FEZ1: variants seen among roughly 807,000 people sequenced by gnomAD.
FEZ1 encodes fasciculation and elongation protein zeta 1, also known as fasciculation and elongation protein zeta-1.
Under a neutral mutation model 49.3 loss-of-function variants are expected in FEZ1, and 20 were observed. The ratio of observed to expected loss-of-function variants is 0.41; its 90% confidence interval spans 0.29 to 0.59. FEZ1 has a LOEUF of 0.59. Ranked by LOEUF, FEZ1 falls within the 20% of genes least tolerant of loss-of-function variation. The pLI, the probability that FEZ1 is intolerant of heterozygous loss-of-function variation, is 0.36. For missense variants in FEZ1, 413 were observed against 476.0 expected (o/e 0.87, Z 1.23); for synonymous variants, 170 against 180.9 (o/e 0.94, Z 0.48).
chr11:125,475,981 T>G (rs776641635), intron 3 of FEZ1, among the ~76,000 whole-genome samples: 1 of 152,236 alleles, frequency 6.6e-6, no homozygotes, highest in Non-Finnish European at 1.5e-5. Context: ...AGAAATGAAC[T>G]GTTGCTATAC....
intron 8 of FEZ1, chr11:125,451,369 C>T (rs1186769540): frequency 6.6e-6 from 1 of 152,198 alleles, no homozygotes; most frequent in Non-Finnish European, 1.5e-5. Context: ...GAACCTCCTG[C>T]TTTCACTCTC....
chr11:125,495,784 G>A lies in FEZ1; in HGVS notation c.-46+337C>T. On this transcript the variant is annotated intron_variant, in intron 1 of 9. Transcript: ENST00000278919. The surrounding 1 kb of genome is among the most constrained non-coding windows in gnomAD (Gnocchi z 4.2). ...TGCCTTCACACGCGCGCACACACGC[G>A]GGCACACACACGCGGACACACACAC... The A allele has an allele frequency of 2.9e-6, 1 of 349,718 alleles. No homozygotes were observed. The highest frequency in any genetic ancestry group is 5.6e-6 in the Non-Finnish European group (1 of 179,622). 21.7% of individuals were successfully genotyped at this position (349,718 alleles called of 1,614,324 possible).
chr11:125,493,516 A>G (rs1179083665), intron 1 of FEZ1, among the ~76,000 whole-genome samples: 4 of 149,208 alleles, frequency 2.7e-5, no homozygotes, highest in South Asian at 4.3e-4. Flanking sequence ...GAGAGAAAGA[A>G]AGAAAGAAAG....
chr11:125,458,678 C>T (rs1220887522), intron 5 of FEZ1, among the ~76,000 whole-genome samples: 1 of 152,172 alleles, frequency 6.6e-6, no homozygotes, highest in African/African-American at 2.4e-5. Flanking sequence ...ACATATGTTA[C>T]ATTTACATTA....
intron 1 of FEZ1, among the ~76,000 whole-genome samples, chr11:125,491,490 A>G (rs12295648): frequency 0.012 from 1,828 of 152,284 alleles, 34 homozygotes; most frequent in African/African-American, 0.032. Flanking sequence ...TTTCAGTTTC[A>G]GGCAGCACAA....
intron 3 of FEZ1, 114 bp from the exon 4 acceptor site, chr11:125,463,684 C>CTA: frequency 1.4e-6 from 1 of 704,980 alleles, no homozygotes; most frequent in South Asian, 1.6e-5. Flanking sequence ...CAGCTGCTGT[C>CTA]TAAACAGTGG....
chr11:125,476,495 T>A (rs925637545), intron 3 of FEZ1, among the ~76,000 whole-genome samples: 1 of 152,000 alleles, frequency 6.6e-6, no homozygotes, highest in Non-Finnish European at 1.5e-5. Context: ...TAAGAAAACG[T>A]CACAATTTGA....
At chr11:125,486,873 A>T (rs1475680903) in intron 2 of FEZ1, among the ~76,000 whole-genome samples, 1 of 152,260 alleles carries the variant, frequency 6.6e-6, no homozygotes, top group Non-Finnish European at 1.5e-5. Context: ...TATGAAACAA[A>T]GTGTGTAACA....
At chr11:125,452,495 C>G in intron 7 of FEZ1, 86 bp from the exon 8 acceptor site, 2 of 813,366 alleles carry the variant, frequency 2.5e-6, no homozygotes, top group Admixed American at 2.0e-5. Context: ...AAGACACACA[C>G]TGCAAATCTG....
chr11:125,474,822 A>G (rs2135768640), intron 3 of FEZ1, among the ~76,000 whole-genome samples: 1 of 152,278 alleles, frequency 6.6e-6, no homozygotes. Context: ...TGGGAGGCAG[A>G]GGTTGCAGTG....
chr11:125,481,006 TC>T (rs1473537303), intron 3 of FEZ1, among the ~76,000 whole-genome samples: 1 of 149,436 alleles, frequency 6.7e-6, no homozygotes, highest in African/African-American at 2.5e-5. Flanking sequence ...GCCACTGCAC[TC>T]CAGCCTGGGC....
rs553750525 is a variant in FEZ1, at chr11:125,456,953, A to G, written c.668-847T>C. Among the ~76,000 whole-genome samples the G allele has an allele frequency of 1.8e-3, 273 of 151,756 alleles. 5 individuals carry two copies. Among genetic ancestry groups the G allele is most frequent in the African/African-American group, 4.8e-3 (199 of 41,388 alleles). On this transcript the variant is annotated intron_variant, in intron 5 of 9. Transcript: ENST00000278919. ...AATCCCAGCATATTGGAAGGCTGCG[A>G]TGTGCGGATCACCTGAGGTCAGGAG...
At position 125,444,066 on chromosome 11, in the gene FEZ1, G is replaced by T. The variant is rs1360620030; in HGVS notation, c.*2029C>A. On this transcript the variant is annotated 3_prime_UTR_variant, in exon 10 of 10. Transcript: ENST00000278919. ...TGACCTCACACCACTAATGACCCTG[G>T]GCATGTTCAGCCTTAGCACCAGTGA... 1.3e-5 allele frequency among the ~76,000 whole-genome samples: 2 copies of T among 152,070 alleles called. No homozygotes were observed. The highest frequency in any genetic ancestry group is 2.9e-5 in the Non-Finnish European group (2 of 68,012).
At chr11:125,482,974 TAAAAAAAAAAAAAAAA>T (rs56169482) in intron 2 of FEZ1, among the ~76,000 whole-genome samples, 9 of 28,740 alleles carry the variant, frequency 3.1e-4, no homozygotes, top group South Asian at 3.3e-3. Context: ...CAAGACACTG[TAAAAAAAAAAAAAAAA>T]AAAAAAAAAA....
At chr11:125,455,746 G>C (rs779858320) in intron 6 of FEZ1, 89 bp downstream of exon 6, 20 of 1,356,010 alleles carry the variant, frequency 1.5e-5, no homozygotes, top group Non-Finnish European at 1.8e-5. Context: ...GGTAAACGTT[G>C]ATGAGTCCCC....
chr11:125,480,911 C>T (rs1214816930), intron 3 of FEZ1, among the ~76,000 whole-genome samples: 2 of 151,980 alleles, frequency 1.3e-5, no homozygotes, highest in African/African-American at 4.8e-5. Context: ...TAGTGGCATG[C>T]ACCTGTAGTC....
At chr11:125,457,502 A>ATATATACACATATATATATGTG (rs1555178545) in intron 5 of FEZ1, among the ~76,000 whole-genome samples, 8 of 109,770 alleles carry the variant, frequency 7.3e-5, no homozygotes, top group East Asian at 2.9e-4. Context: ...GTATATATGT[A>ATATATACACATATATATATGTG]TATATATACA....
In FEZ1 at chr11:125,478,524, C is replaced by T. The variant is rs568094719; in HGVS notation, c.411+3010G>A. Among the ~76,000 whole-genome samples, 5 of 152,300 alleles carry T rather than the reference C, an allele frequency of 3.3e-5. No homozygotes were observed. In the South Asian group the frequency reaches 6.2e-4, roughly 19 times the overall value. On this transcript the variant is annotated intron_variant, in intron 3 of 9. Coordinates refer to ENST00000278919, the MANE Select transcript of FEZ1 (RefSeq NM_005103.5). ...TAGAGAGAAGCATCACAGCTGTGCACATTCAGCATGCCAAGCGCTTTTGGT... is the reference window on the plus strand; with the variant it reads ...TAGAGAGAAGCATCACAGCTGTGCATATTCAGCATGCCAAGCGCTTTTGGT...
chr11:125,471,096 A>G (rs1328493905), intron 3 of FEZ1, among the ~76,000 whole-genome samples: 1 of 152,192 alleles, frequency 6.6e-6, no homozygotes, highest in Non-Finnish European at 1.5e-5. Flanking sequence ...ACGACAAGGT[A>G]TAGATAAAAA....
Sources: gnomAD v4.1 joint callset for allele counts (sites outside exome capture counted in the v4.1 genomes callset) on GRCh38, gnomAD v4.1.1 for gene constraint, Gnocchi (gnomAD v3.1) non-coding constraint, MANE v1.5 for transcripts, NCBI Gene and HGNC (gene_info 2026-07-23, HGNC 2026-07-21) for gene names.